The following PTGER3 variants were observed in gnomAD, a reference collection of about 807,000 sequenced individuals.
PTGER3 encodes prostaglandin E receptor 3.
Under a neutral mutation model 34.7 loss-of-function variants are expected in PTGER3, and 22 were observed. That is an observed-to-expected ratio of 0.63 (90% CI 0.45 to 0.91). The LOEUF (loss-of-function observed/expected upper bound fraction) is 0.91. PTGER3 is among the 40% of genes least tolerant of loss of function. The probability of loss-of-function intolerance (pLI) is 0.00; values close to 1 mark genes in which losing one functional copy is unlikely to be tolerated. For synonymous variants in PTGER3, 241 were observed against 230.1 expected, an observed-to-expected ratio of 1.05 and a Z score of -0.43; for missense variants, 468 against 519.4, an observed-to-expected ratio of 0.90 and a Z score of 0.96.
intron 4 of PTGER3, among the ~76,000 whole-genome samples, chr1:70,888,246 G>A (rs1646540120): frequency 6.6e-6 from 1 of 150,950 alleles, no homozygotes; most frequent in African/African-American, 2.5e-5. Flanking sequence ...AATTCGGGCA[G>A]ATCCAAAGAC....
chr1:70,915,463 G>A (rs1236469970), intron 4 of PTGER3, among the ~76,000 whole-genome samples: 1 of 151,912 alleles, frequency 6.6e-6, no homozygotes, highest in South Asian at 2.1e-4. Flanking sequence ...AAGAGACGAG[G>A]TTGCAAACAG....
intron 2 of PTGER3, chr1:71,008,314 A>G (rs2100841085): frequency 1.2e-6 from 1 of 868,164 alleles, no homozygotes; most frequent in South Asian, 5.3e-5. Flanking sequence ...TAAATATAAT[A>G]CATATCTGAT....
At chr1:70,977,215 G>A (rs369286571) in intron 2 of PTGER3, among the ~76,000 whole-genome samples, 38 of 152,188 alleles carry the variant, frequency 2.5e-4, no homozygotes, top group Admixed American at 9.2e-4. Flanking sequence ...AAATGGGCAC[G>A]TCACAGACAC....
At position 70,974,300 on chromosome 1, in the gene PTGER3, T is replaced by A. The variant is rs747312369; in HGVS notation, c.1166A>T (p.Glu389Val). The change falls in exon 3 of 4, where the codon GAA (glutamate) becomes GTA (valine). Residue 389 changes from glutamate to valine, a missense_variant. Around this residue, in one of 5 missense-constraint regions of PTGER3, gnomAD observed 57 missense variants for 43.8 expected, o/e 1.30. Coordinates refer to ENST00000306666, the MANE Select transcript of PTGER3 (RefSeq NM_198719.2). ...SSTLMWSDHL[E>V]R Reference sequence around the variant, plus strand: ...CCCGGCAGTTTCTAAATCTCACCTTTCCAAATGGTCGCTCCACATCAAGGT... The same window carrying A: ...CCCGGCAGTTTCTAAATCTCACCTTACCAAATGGTCGCTCCACATCAAGGT... 35 of 1,606,870 alleles carry A rather than the reference T, an allele frequency of 2.2e-5. No homozygotes were observed. Among genetic ancestry groups the A allele is most frequent in the Non-Finnish European group, 3.0e-5 (35 of 1,173,846 alleles).
chr1:70,948,910 T>C (rs1163424514), downstream of PTGER3, among the ~76,000 whole-genome samples: 2 of 152,162 alleles, frequency 1.3e-5, no homozygotes, highest in African/African-American at 4.8e-5. Flanking sequence ...TTTAGACAGA[T>C]GTCATAAAGA....
chr1:70,875,432 T>C (rs1416909973), intron 4 of PTGER3, among the ~76,000 whole-genome samples: 1 of 152,002 alleles, frequency 6.6e-6, no homozygotes, highest in African/African-American at 2.4e-5. Flanking sequence ...TGTGTCCTTG[T>C]TTTAGGAGAA....
rs144285878 is a variant in PTGER3, at chr1:70,985,639, C to T, written c.1078-11251G>A. 5.3e-3 allele frequency among the ~76,000 whole-genome samples: 806 copies of T among 152,230 alleles called. 12 individuals carry two copies. Among genetic ancestry groups the T allele is most frequent in the African/African-American group, 0.018 (762 of 41,522 alleles). ...GTGATCAATTAAGCAGCTGACCAGTCGTTACCTCCTCCTCCCTGCTCTTTC... is the reference window on the plus strand; with the variant it reads ...GTGATCAATTAAGCAGCTGACCAGTTGTTACCTCCTCCTCCCTGCTCTTTC... On this transcript the variant is annotated intron_variant, in intron 2 of 3. Coordinates refer to ENST00000306666, the MANE Select transcript of PTGER3 (RefSeq NM_198719.2).
chr1:70,881,965 C>T (rs1195580151), intron 4 of PTGER3, among the ~76,000 whole-genome samples: 3 of 152,208 alleles, frequency 2.0e-5, no homozygotes, highest in African/African-American at 7.2e-5. Context: ...GCCCACCCTG[C>T]CATCTGGGTG....
chr1:71,047,353 G>A lies in PTGER3; in HGVS notation c.225C>T (p.Arg75=), dbSNP rs760436910. 9.9e-6 allele frequency: 16 copies of A among 1,609,334 alleles called. No individual in the cohort carries two copies. Among genetic ancestry groups the A allele is most frequent in the African/African-American group, 1.3e-5 (1 of 74,928 alleles). ...GNALAMLLVS[R]SYRRRESKRK... is the part of the protein sequence containing the mutation. ...GCTTGCTCTCCCGGCGCCGGTAGCT[G>A]CGCGACACGAGCAGCATGGCCAGTG... Residue 75 remains arginine (R), a synonymous_variant, in exon 1 of 4, where the codon CGC becomes CGT. Coordinates refer to ENST00000306666, the MANE Select transcript of PTGER3 (RefSeq NM_198719.2).
intron 1 of PTGER3, among the ~76,000 whole-genome samples, chr1:71,025,577 T>G (rs1658854747): frequency 6.6e-6 from 1 of 152,176 alleles, no homozygotes; most frequent in Non-Finnish European, 1.5e-5. Flanking sequence ...TCCTTGCTTA[T>G]AGAAGTTTTG....
intron 2 of PTGER3, among the ~76,000 whole-genome samples, chr1:70,989,452 T>C (rs2050066): frequency 0.072 from 11,007 of 152,256 alleles, 532 homozygotes; most frequent in Middle Eastern, 0.12. Context: ...CATTAACTTA[T>C]TTTCTCTACC....
chr1:70,913,019 T>C (rs1247365329), intron 4 of PTGER3, among the ~76,000 whole-genome samples: 2 of 152,020 alleles, frequency 1.3e-5, no homozygotes, highest in Admixed American at 6.6e-5. Flanking sequence ...TATAATCAGC[T>C]TATAGAAAAT....
intron 4 of PTGER3, among the ~76,000 whole-genome samples, chr1:70,879,771 G>A (rs769763900): frequency 3.9e-5 from 6 of 151,976 alleles, no homozygotes; most frequent in Admixed American, 1.3e-4. Context: ...TTTTAATTGA[G>A]GTATTTATTC....
intron 4 of PTGER3, among the ~76,000 whole-genome samples, chr1:70,931,689 C>G (rs1648713079): frequency 6.6e-6 from 1 of 152,206 alleles, no homozygotes; most frequent in Admixed American, 6.5e-5. Context: ...TTAGCAATGG[C>G]TGGAACAGCT....
chr1:71,004,940 A>G (rs1656812086), intron 2 of PTGER3, among the ~76,000 whole-genome samples: 1 of 152,200 alleles, frequency 6.6e-6, no homozygotes, highest in African/African-American at 2.4e-5. Context: ...AAGGCCCCAC[A>G]GATGGCCTCA....
intron 4 of PTGER3, among the ~76,000 whole-genome samples, chr1:70,921,816 C>G (rs367604410): frequency 1.3e-5 from 2 of 152,132 alleles, no homozygotes; most frequent in South Asian, 2.1e-4. Context: ...GAAAATTGGT[C>G]CTTTATCTTC....
intron 1 of PTGER3, among the ~76,000 whole-genome samples, chr1:71,045,211 C>A (rs930200414): frequency 1.3e-5 from 2 of 152,052 alleles, no homozygotes; most frequent in Non-Finnish European, 2.9e-5. Flanking sequence ...ATCTACCAAA[C>A]CAGGTTAAAG....
intron 2 of PTGER3, chr1:71,008,748 AAAACAAGCAAT>A (rs1251257998): frequency 2.1e-6 from 2 of 971,368 alleles, no homozygotes; most frequent in African/African-American, 1.8e-5. Flanking sequence ...GTAAACATAT[AAAACAAGCAAT>A]AAACAAGCAG....
At chr1:71,009,703 A>G in intron 2 of PTGER3, 1 of 985,198 alleles carries the variant, frequency 1.0e-6, no homozygotes, top group African/African-American at 1.7e-5. Flanking sequence ...ATTGTCTTTT[A>G]ACCAATACTT....
Sources: gnomAD v4.1 joint callset for allele counts (sites outside exome capture counted in the v4.1 genomes callset) on GRCh38, gnomAD v4.1.1 for gene constraint, gnomAD v4.1.1 regional missense constraint, MANE v1.5 for transcripts, NCBI Gene and HGNC (gene_info 2026-07-23, HGNC 2026-07-21) for gene names.